Variants in MAGI2 observed in about 807,000 individuals in gnomAD.
MAGI2 encodes membrane-associated guanylate kinase, WW and PDZ domain-containing protein 2.
In MAGI2, 35 loss-of-function variants were observed where a neutral mutation model predicts 133.3. The ratio of observed to expected loss-of-function variants is 0.26; its 90% CI spans 0.20 to 0.35. The LOEUF (loss-of-function observed/expected upper bound fraction) is 0.35, where lower values mean the gene tolerates loss of function less well. MAGI2 is among the 10% of genes least tolerant of loss of function. MAGI2 has a pLI of 1.00. For synonymous variants in MAGI2, 729 were observed against 710.6 expected, an observed-to-expected ratio of 1.03 and a Z score of -0.41; for missense variants, 1,636 against 1,863.4, an observed-to-expected ratio of 0.88 and a Z score of 2.25.
chr7:78,814,464 T>C (rs1030264649), intron 2 of MAGI2, among the ~76,000 whole-genome samples: 1 of 152,248 alleles, frequency 6.6e-6, no homozygotes, highest in African/African-American at 2.4e-5. Flanking sequence ...TCAGTTCTTT[T>C]AACCAGTAAA....
At chr7:79,378,215 C>A (rs1477072095) in intron 1 of MAGI2, among the ~76,000 whole-genome samples, 2 of 151,634 alleles carry the variant, frequency 1.3e-5, no homozygotes, top group East Asian at 3.9e-4. Flanking sequence ...TTATCTGAAA[C>A]TGGGAGACAA....
chr7:78,861,201 C>T (rs1006885878), intron 2 of MAGI2, among the ~76,000 whole-genome samples: 5 of 152,270 alleles, frequency 3.3e-5, no homozygotes, highest in African/African-American at 4.8e-5. Context: ...CCGGGTGAGG[C>T]GATGCCCCGC....
chr7:78,486,175 A>G (rs572567102), intron 6 of MAGI2: 2 of 152,192 alleles, frequency 1.3e-5, no homozygotes, highest in South Asian at 4.1e-4. Context: ...TAGATGTGAG[A>G]GATTTCAAAC....
At chr7:78,032,951 T>C (rs1485915437) in intron 21 of MAGI2, among the ~76,000 whole-genome samples, 1 of 152,068 alleles carries the variant, frequency 6.6e-6, no homozygotes, top group Non-Finnish European at 1.5e-5. Flanking sequence ...AGAGAGAGTC[T>C]GGATTTTATT....
intron 21 of MAGI2, chr7:78,078,410 C>T (rs959112666): frequency 1.9e-5 from 3 of 160,948 alleles, no homozygotes; most frequent in African/African-American, 7.2e-5. Context: ...AGAAACACAA[C>T]ACAGGAGTGA....
At chr7:78,286,628 G>C (rs763489794) in intron 9 of MAGI2, among the ~76,000 whole-genome samples, 3 of 152,076 alleles carry the variant, frequency 2.0e-5, no homozygotes, top group Non-Finnish European at 2.9e-5. Context: ...ACAATCATGA[G>C]AGTCCGCTGA....
chr7:78,293,999 G>A (rs1335062343), intron 9 of MAGI2, among the ~76,000 whole-genome samples: 1 of 152,062 alleles, frequency 6.6e-6, no homozygotes, highest in Non-Finnish European at 1.5e-5. Context: ...AATAGGTCCA[G>A]CACACCAACA....
intron 1 of MAGI2, among the ~76,000 whole-genome samples, chr7:79,088,234 G>A (rs1238681843): frequency 6.6e-6 from 1 of 152,034 alleles, no homozygotes; most frequent in Admixed American, 6.6e-5. Context: ...CATATCCCTT[G>A]TAAGTTGTAT....
intron 3 of MAGI2, among the ~76,000 whole-genome samples, chr7:78,524,587 T>G (rs1171264295): frequency 1.3e-5 from 2 of 152,224 alleles, no homozygotes; most frequent in Non-Finnish European, 2.9e-5. Flanking sequence ...TCTTTTACAG[T>G]CGGCAAAGTG....
chr7:78,831,753 T>C (rs1372393209), intron 2 of MAGI2, among the ~76,000 whole-genome samples: 1 of 152,236 alleles, frequency 6.6e-6, no homozygotes, highest in Non-Finnish European at 1.5e-5. Flanking sequence ...ATCTTTTTTC[T>C]TCTGAAAAGT....
chr7:78,672,196 T>C (rs900036266), intron 2 of MAGI2, among the ~76,000 whole-genome samples: 1 of 152,162 alleles, frequency 6.6e-6, no homozygotes, highest in East Asian at 1.9e-4. Flanking sequence ...GGTCATGGAA[T>C]TGGATCCCTC....
chr7:78,692,194 T>G (rs534958684), intron 2 of MAGI2, among the ~76,000 whole-genome samples: 99 of 152,306 alleles, frequency 6.5e-4, no homozygotes, highest in Non-Finnish European at 1.3e-3. Context: ...GAAAATGATC[T>G]TTGAAGAAGA....
intron 1 of MAGI2, among the ~76,000 whole-genome samples, chr7:79,286,323 T>G (rs950551266): frequency 6.6e-6 from 1 of 152,048 alleles, no homozygotes; most frequent in Non-Finnish European, 1.5e-5. Flanking sequence ...CTGAGTTGGA[T>G]AGTATCCCCA....
intron 1 of MAGI2, chr7:79,412,744 A>T (rs1466989655): frequency 6.6e-6 from 1 of 152,174 alleles, no homozygotes; most frequent in Non-Finnish European, 1.5e-5. Flanking sequence ...TTACCACTCC[A>T]GGACTCAGCC....
At chr7:79,089,727 T>A (rs1816878467) in intron 1 of MAGI2, among the ~76,000 whole-genome samples, 1 of 152,002 alleles carries the variant, frequency 6.6e-6, no homozygotes, top group Admixed American at 6.6e-5. Context: ...TAAACCCTCA[T>A]TCTCAGCAAA....
chr7:78,551,243 T>A (rs1799308724), intron 3 of MAGI2, among the ~76,000 whole-genome samples: 2 of 152,244 alleles, frequency 1.3e-5, no homozygotes, highest in Non-Finnish European at 2.9e-5. Context: ...AGTTGCATTG[T>A]TAATTACTTT....
chr7:78,617,671 C>CT (rs1807257810), intron 3 of MAGI2: 1 of 151,990 alleles, frequency 6.6e-6, no homozygotes, highest in African/African-American at 2.4e-5. Flanking sequence ...AATCAAGCTG[C>CT]TCAGTATTTC....
At chr7:79,119,579 G>A (rs1042987199) in intron 1 of MAGI2, among the ~76,000 whole-genome samples, 13 of 152,020 alleles carry the variant, frequency 8.6e-5, no homozygotes, top group Non-Finnish European at 1.3e-4. Flanking sequence ...GTGACAGAAC[G>A]TTTTCAGTAA....
At chr7:79,188,608 A>G (rs1205229364) in intron 1 of MAGI2, among the ~76,000 whole-genome samples, 2 of 151,898 alleles carry the variant, frequency 1.3e-5, no homozygotes, top group African/African-American at 4.8e-5. Context: ...CCAATTCTTG[A>G]TTTGTTAAAT....
Sources: allele counts gnomAD v4.1 joint callset (sites outside exome capture counted in the v4.1 genomes callset), GRCh38; gene constraint gnomAD v4.1.1; transcripts MANE v1.5; gene names NCBI Gene and HGNC (gene_info 2026-07-23, HGNC 2026-07-21).